The following NNT variants were observed in gnomAD, a reference collection of about 807,000 sequenced individuals.
NNT encodes the protein NAD(P) transhydrogenase, mitochondrial.
Under a neutral mutation model 104.8 loss-of-function variants are expected in NNT, and 50 were observed. The observed-to-expected ratio is 0.48, with a 90% confidence interval of 0.38 to 0.60. NNT has a LOEUF of 0.60. Among genes scored for constraint, NNT ranks in the 20% least tolerant of loss-of-function variants. The pLI, the probability that NNT is intolerant of heterozygous loss-of-function variation, is 0.00. For missense variants in NNT, 1,131 were observed against 1,330.7 expected, an observed-to-expected ratio of 0.85 and a Z score of 2.33; for synonymous variants, 461 against 490.4, an observed-to-expected ratio of 0.94 and a Z score of 0.79.
chr5:43,692,008 A>C (rs1222009505), intron 19 of NNT, among the ~76,000 whole-genome samples: 1 of 152,170 alleles, frequency 6.6e-6, no homozygotes, highest in Non-Finnish European at 1.5e-5. Context: ...ACTTGGTAAA[A>C]TCTATTTTGT....
chr5:43,690,820 C>A (rs1742233116), intron 19 of NNT, among the ~76,000 whole-genome samples: 1 of 152,028 alleles, frequency 6.6e-6, no homozygotes, highest in South Asian at 2.1e-4. Flanking sequence ...TGCATGAGGG[C>A]AGATTAATGA....
intron 13 of NNT, among the ~76,000 whole-genome samples, chr5:43,652,345 G>A (rs1739812249): frequency 6.6e-6 from 1 of 152,046 alleles, no homozygotes; most frequent in African/African-American, 2.4e-5. Flanking sequence ...ATAAAGAAAA[G>A]GATAGTTTAA....
intron 12 of NNT, 58 bp from the exon 13 acceptor site, chr5:43,651,681 A>T (rs1450239065): frequency 6.4e-7 from 1 of 1,566,364 alleles, no homozygotes; most frequent in East Asian, 2.2e-5. Context: ...TTAAAAAATC[A>T]TGTTGCTCAG....
chr5:43,697,581 A>G (rs1044322706), intron 19 of NNT, among the ~76,000 whole-genome samples: 1 of 152,156 alleles, frequency 6.6e-6, no homozygotes, highest in Non-Finnish European at 1.5e-5. Context: ...GTCCATTTTC[A>G]TGCTGCTGAT....
intron 7 of NNT, among the ~76,000 whole-genome samples, chr5:43,630,037 A>G (rs1213384682): frequency 6.6e-6 from 1 of 151,392 alleles, no homozygotes; most frequent in Non-Finnish European, 1.5e-5. Flanking sequence ...TTGGTCATGA[A>G]CTCTTTGCCC....
intron 17 of NNT, among the ~76,000 whole-genome samples, chr5:43,670,245 T>C (rs1740979926): frequency 1.3e-5 from 2 of 152,140 alleles, no homozygotes; most frequent in African/African-American, 4.8e-5. Flanking sequence ...CCTGGATTCA[T>C]TGATTTTTTG....
intron 1 of NNT, among the ~76,000 whole-genome samples, chr5:43,604,703 G>T (rs1035074242): frequency 6.6e-6 from 1 of 152,048 alleles, no homozygotes; most frequent in African/African-American, 2.4e-5. Flanking sequence ...TTCAAGTCTC[G>T]CTCTGTTGTC....
chr5:43,635,431 G>C (rs1188404092), intron 7 of NNT, among the ~76,000 whole-genome samples: 3 of 152,126 alleles, frequency 2.0e-5, no homozygotes, highest in Admixed American at 2.0e-4. Flanking sequence ...TTCTTGCTTT[G>C]CATTCTTTTG....
chr5:43,629,157 C>T (rs946435327), intron 7 of NNT, among the ~76,000 whole-genome samples: 1 of 152,064 alleles, frequency 6.6e-6, no homozygotes, highest in Non-Finnish European at 1.5e-5. Context: ...CTCACCCCCC[C>T]TCCCACTCTT....
chr5:43,649,827 C>T (rs1739659286), intron 11 of NNT, among the ~76,000 whole-genome samples: 1 of 152,212 alleles, frequency 6.6e-6, no homozygotes, highest in African/African-American at 2.4e-5. Context: ...GTTCATGCAG[C>T]AGTCCATGTG....
intron 19 of NNT, among the ~76,000 whole-genome samples, chr5:43,688,991 A>G (rs1207950921): frequency 2.0e-5 from 3 of 152,154 alleles, no homozygotes; most frequent in Non-Finnish European, 4.4e-5. Flanking sequence ...AGTGTATTGT[A>G]CTAGTTTACA....
At chr5:43,700,274 T>A in intron 20 of NNT, 37 bp downstream of exon 20, 1 of 1,444,528 alleles carries the variant, frequency 6.9e-7, no homozygotes. Context: ...TTAAATATTC[T>A]TACTATGAAT....
intron 3 of NNT, chr5:43,613,563 A>C (rs1244664357): frequency 6.4e-6 from 1 of 155,170 alleles, no homozygotes; most frequent in Non-Finnish European, 1.4e-5. Flanking sequence ...CATACGTGCT[A>C]TTTCTAGAGA....
At chr5:43,670,191 G>C (rs1349415068) in intron 17 of NNT, among the ~76,000 whole-genome samples, 1 of 151,932 alleles carries the variant, frequency 6.6e-6, no homozygotes, top group African/African-American at 2.4e-5. Flanking sequence ...TATTAGTCTT[G>C]CTAGTGGTCT....
intron 7 of NNT, among the ~76,000 whole-genome samples, chr5:43,635,875 T>C (rs987127749): frequency 1.4e-4 from 21 of 152,170 alleles, no homozygotes; most frequent in Admixed American, 1.3e-3. Flanking sequence ...TTCTGAGGTA[T>C]TGGGGGTTAG....
intron 7 of NNT, among the ~76,000 whole-genome samples, chr5:43,637,878 A>G (rs775832202): frequency 6.6e-6 from 1 of 152,158 alleles, no homozygotes; most frequent in Non-Finnish European, 1.5e-5. Context: ...ACCAGTCACT[A>G]ATAAGGTGAT....
At chr5:43,652,966 G>A (rs1010268775) in intron 13 of NNT, 52 bp from the exon 14 acceptor site, 1 of 1,427,362 alleles carries the variant, frequency 7.0e-7, no homozygotes, top group Non-Finnish European at 9.6e-7. Context: ...AAATCTCTAA[G>A]CTAATAGACC....
At chr5:43,699,424 G>T (rs1742736412) in intron 19 of NNT, among the ~76,000 whole-genome samples, 1 of 140,634 alleles carries the variant, frequency 7.1e-6, no homozygotes, top group East Asian at 2.1e-4. Flanking sequence ...CACAATCTTA[G>T]CTCACTGCAA....
In NNT at chr5:43,616,053, C is replaced by G. The variant is rs370816378; in HGVS notation, c.587C>G (p.Ala196Gly). The G allele has an allele frequency of 6.2e-7, 1 of 1,613,374 alleles. No individual in the cohort carries two copies. The highest frequency in any genetic ancestry group is 8.5e-7 in the Non-Finnish European group (1 of 1,179,740). ...GGATATGATGCGCTAAGCTCCATGG[C>G]CAACATTGCGGGGTAGGTTCTTTTC... ...AQGYDALSSMANIAGYKAVVL... is the reference protein window; with the variant it reads ...AQGYDALSSMGNIAGYKAVVL... The change falls in exon 4 of 22, where the codon GCC becomes GGC. Residue 196 changes from alanine (A) to glycine (G), a missense_variant. Coordinates refer to ENST00000344920, the MANE Select transcript of NNT (RefSeq NM_182977.3).
Sources: gnomAD v4.1 joint callset for allele counts (sites outside exome capture counted in the v4.1 genomes callset) on GRCh38, gnomAD v4.1.1 for gene constraint, MANE v1.5 for transcripts, NCBI Gene and HGNC (gene_info 2026-07-23, HGNC 2026-07-21) for gene names.